The following ULK4 variants were observed in gnomAD, a reference collection of about 807,000 sequenced individuals.
ULK4 encodes the protein unc-51 like kinase 4, also known as inactive serine/threonine-protein kinase ULK4.
In ULK4, 133 loss-of-function variants were observed where a neutral mutation model predicts 160.6. The ratio of observed to expected loss-of-function variants is 0.83; its 90% CI spans 0.72 to 0.96. ULK4 has a LOEUF of 0.96. Among genes scored for constraint, ULK4 ranks in the 40% least tolerant of loss-of-function variants. The pLI is 0.00. For missense variants in ULK4, 1,580 were observed against 1,499.5 expected (o/e 1.05, Z -0.89); for synonymous variants, 534 against 539.8 (o/e 0.99, Z 0.15).
At chr3:41,850,269 C>T (rs2042177490) in intron 17 of ULK4, among the ~76,000 whole-genome samples, 1 of 152,194 alleles carries the variant, frequency 6.6e-6, no homozygotes, top group Non-Finnish European at 1.5e-5. Flanking sequence ...CTGCAATAAA[C>T]ATACGTGTGC....
At chr3:41,715,890 G>A (rs2037249124) in intron 23 of ULK4, among the ~76,000 whole-genome samples, 1 of 151,744 alleles carries the variant, frequency 6.6e-6, no homozygotes, top group Admixed American at 6.6e-5. Context: ...ATGAGCACTT[G>A]TTGCTTTTGC....
At chr3:41,861,289 T>C (rs114478219) in intron 17 of ULK4, among the ~76,000 whole-genome samples, 1 of 152,202 alleles carries the variant, frequency 6.6e-6, no homozygotes, top group African/African-American at 2.4e-5. Context: ...CTTTTCTTTC[T>C]GACTGAAGTA....
At chr3:41,949,123 A>G (rs1204799042) in intron 2 of ULK4, among the ~76,000 whole-genome samples, 5 of 151,878 alleles carry the variant, frequency 3.3e-5, no homozygotes, top group Non-Finnish European at 5.9e-5. Context: ...CCTGGCCAAC[A>G]TGGTGAAACC....
chr3:41,498,337 G>A (rs1351853907), intron 32 of ULK4, among the ~76,000 whole-genome samples: 1 of 152,088 alleles, frequency 6.6e-6, no homozygotes, highest in Non-Finnish European at 1.5e-5. Flanking sequence ...AGGGAAATTA[G>A]AAAACATTTC....
chr3:41,650,066 C>T (rs2034678780), intron 30 of ULK4, among the ~76,000 whole-genome samples: 1 of 152,134 alleles, frequency 6.6e-6, no homozygotes, highest in Non-Finnish European at 1.5e-5. Context: ...GGGAGCTACC[C>T]ACCACAGGTC....
Position 41,677,794 on chromosome 3 carries a change from C to T in ULK4, c.2978+3714G>A, listed in dbSNP as rs1049833687. Among the ~76,000 whole-genome samples, 7 of 152,148 alleles carry T rather than the reference C, an allele frequency of 4.6e-5. No homozygotes were observed. The East Asian group carries it at 1.4e-3, about 29-fold the overall frequency. ...CAAGTTACTCAATAAGTAGGGTACC[C>T]AGGCATTTGGTCAAACATTTTTCTG... On this transcript the variant is annotated intron_variant, in intron 29 of 36. Transcript: ENST00000301831.
At chr3:41,603,587 A>C (rs1474825787) in intron 31 of ULK4, among the ~76,000 whole-genome samples, 1 of 152,048 alleles carries the variant, frequency 6.6e-6, no homozygotes. Context: ...AATAGAATAC[A>C]CTTTTTTTTT....
chr3:41,704,492 C>T (rs35117071), intron 27 of ULK4, among the ~76,000 whole-genome samples: 21,656 of 152,134 alleles, frequency 0.14, 1,935 homozygotes, highest in Admixed American at 0.21. Flanking sequence ...AAGAAAGGGA[C>T]GGAGGATTTC....
chr3:41,444,477 C>A (rs909423647), intron 34 of ULK4, among the ~76,000 whole-genome samples: 3 of 151,648 alleles, frequency 2.0e-5, no homozygotes, highest in Non-Finnish European at 4.4e-5. Flanking sequence ...TCAGTTATTA[C>A]CATTCTGCCC....
chr3:41,384,426 T>A lies in ULK4; in HGVS notation c.3678+13653A>T, dbSNP rs2081751264. ...AAAAAAAGACTATAATAGTCATTTT[T>A]TGACAACTAATAATACCAGCATTTT... On this transcript the variant is annotated intron_variant, in intron 35 of 36. Coordinates refer to ENST00000301831, the MANE Select transcript of ULK4 (RefSeq NM_017886.4). Among the ~76,000 whole-genome samples, 4 of 152,262 alleles carry A rather than the reference T, an allele frequency of 2.6e-5. No individual in the cohort carries two copies. The East Asian group carries it at 7.7e-4, about 29-fold the overall frequency.
intron 29 of ULK4, among the ~76,000 whole-genome samples, chr3:41,678,177 TACACACACAC>T (rs752843326): frequency 0.012 from 1,446 of 123,128 alleles, 21 homozygotes; most frequent in African/African-American, 0.041. Flanking sequence ...CTTTATTTCA[TACACACACAC>T]ACACACACAC....
At chr3:41,340,022 G>T (rs1336168876) in intron 35 of ULK4, among the ~76,000 whole-genome samples, 1 of 152,194 alleles carries the variant, frequency 6.6e-6, no homozygotes, top group African/African-American at 2.4e-5. Flanking sequence ...AATGTCACCA[G>T]AAATTTTAGC....
intron 33 of ULK4, among the ~76,000 whole-genome samples, chr3:41,458,274 C>A (rs138092167): frequency 1.3e-5 from 2 of 152,112 alleles, no homozygotes; most frequent in South Asian, 4.1e-4. Flanking sequence ...ACTTGTCATC[C>A]TTTAGTTAAA....
chr3:41,464,547 T>A (rs1306051715), intron 32 of ULK4, among the ~76,000 whole-genome samples: 1 of 152,220 alleles, frequency 6.6e-6, no homozygotes, highest in Non-Finnish European at 1.5e-5. Flanking sequence ...TATTACAGCA[T>A]GTGCACTGCA....
intron 32 of ULK4, among the ~76,000 whole-genome samples, chr3:41,485,915 A>C (rs1472606727): frequency 6.6e-6 from 1 of 152,204 alleles, no homozygotes; most frequent in Admixed American, 6.5e-5. Flanking sequence ...AAAGGAAAAT[A>C]AATAAGGAAA....
At chr3:41,824,512 G>T (rs990885269) in intron 18 of ULK4, among the ~76,000 whole-genome samples, 10 of 152,204 alleles carry the variant, frequency 6.6e-5, no homozygotes, top group African/African-American at 2.4e-4. Flanking sequence ...CACACCAGGA[G>T]ATTATATCCC....
intron 35 of ULK4, among the ~76,000 whole-genome samples, chr3:41,346,697 CAATT>C (rs1284067931): frequency 6.6e-6 from 1 of 152,102 alleles, no homozygotes; most frequent in African/African-American, 2.4e-5. Context: ...AATAACTGCA[CAATT>C]AATAAGACAT....
intron 34 of ULK4, among the ~76,000 whole-genome samples, chr3:41,424,081 G>A (rs964168605): frequency 6.6e-6 from 1 of 152,076 alleles, no homozygotes; most frequent in Non-Finnish European, 1.5e-5. Context: ...CGCAGCTCCA[G>A]TCTGCCATCT....
intron 9 of ULK4, 64 bp downstream of exon 9, chr3:41,912,743 A>G: frequency 2.9e-6 from 4 of 1,380,520 alleles, no homozygotes; most frequent in Non-Finnish European, 4.1e-6. Flanking sequence ...TTGTATATTT[A>G]GAACAGTAAT....
Sources: allele counts gnomAD v4.1 joint callset (sites outside exome capture counted in the v4.1 genomes callset), GRCh38; gene constraint gnomAD v4.1.1; transcripts MANE v1.5; gene names NCBI Gene and HGNC (gene_info 2026-07-23, HGNC 2026-07-21).